The following COL8A1 variants were observed in gnomAD, a reference collection of about 807,000 sequenced individuals.
COL8A1 encodes collagen type VIII alpha 1 chain.
In COL8A1, 21 loss-of-function variants were observed where a neutral mutation model predicts 42.7. The ratio of observed to expected loss-of-function variants is 0.49; its 90% CI spans 0.35 to 0.71. The LOEUF (loss-of-function observed/expected upper bound fraction) is 0.71, where lower values mean the gene tolerates loss of function less well. Ranked by LOEUF, COL8A1 falls within the 30% of genes least tolerant of loss-of-function variation. The pLI, the probability that COL8A1 is intolerant of heterozygous loss-of-function variation, is 0.01. For synonymous variants in COL8A1, 367 were observed against 369.1 expected (o/e 0.99, Z 0.06); for missense variants, 788 against 962.4 (o/e 0.82, Z 2.40).
At chr3:99,742,398 G>T (rs2107403052) in intron 1 of COL8A1, among the ~76,000 whole-genome samples, 1 of 152,288 alleles carries the variant, frequency 6.6e-6, no homozygotes, top group East Asian at 1.9e-4. Flanking sequence ...CATTGCCTGT[G>T]TAGCTAATGG....
chr3:99,747,318 C>A (rs952064709), intron 2 of COL8A1, among the ~76,000 whole-genome samples: 2 of 152,160 alleles, frequency 1.3e-5, no homozygotes, highest in Admixed American at 1.3e-4. Context: ...CATTAAGATA[C>A]CTAATGTGCC....
chr3:99,745,565 A>G (rs1364896028), intron 2 of COL8A1, among the ~76,000 whole-genome samples: 1 of 152,098 alleles, frequency 6.6e-6, no homozygotes, highest in East Asian at 1.9e-4. Context: ...TCTGGCTGAT[A>G]TTTTATAGTT....
chr3:99,681,734 C>T (rs1938888477), intron 1 of COL8A1, among the ~76,000 whole-genome samples: 1 of 152,302 alleles, frequency 6.6e-6, no homozygotes, highest in South Asian at 2.1e-4. Flanking sequence ...ATTTTCACCA[C>T]TTTAAGACTA....
chr3:99,656,150 G>T (rs1358104264), intron 1 of COL8A1, among the ~76,000 whole-genome samples: 1 of 152,102 alleles, frequency 6.6e-6, no homozygotes, highest in Non-Finnish European at 1.5e-5. Context: ...ATCCTTAAAG[G>T]TATAAAATAT....
rs1290897534 is a variant in COL8A1, at chr3:99,755,988, G to A, written c.-4+10967G>A. Among the ~76,000 whole-genome samples the A allele has an allele frequency of 7.2e-5, 11 of 151,966 alleles. 1 individual carries two copies. Among genetic ancestry groups the A allele is most frequent in the Non-Finnish European group, 1.0e-4 (7 of 68,004 alleles). ...GGTTTCTCTGAGGAGATTGGACTCC[G>A]CACATGAATGGAGACAGGGAGGTAA... On this transcript the variant is annotated intron_variant, in intron 2 of 3. Transcript: ENST00000652472.
Position 99,794,999 on chromosome 3 carries a change from T to C in COL8A1, c.1098T>C (p.Gly366=), listed in dbSNP as rs1241778338. The C allele has an allele frequency of 6.2e-7, 1 of 1,603,350 alleles. No individual in the cohort carries two copies. Residue 366 remains glycine (G), a synonymous_variant, in exon 4 of 4, where the codon GGT becomes GGC. Coordinates refer to ENST00000652472, the MANE Select transcript of COL8A1 (RefSeq NM_020351.4). The surrounding 1 kb of genome is among the most constrained non-coding windows in gnomAD (Gnocchi z 4.3). ...CCAAAGGTGACCGGGGCATGGGAGG[T>C]GTTCCTGGGGCTCTTGGACCAAGAG... ...PGPKGDRGMG[G]VPGALGPRGE... is the part of the protein sequence containing the mutation.
chr3:99,689,873 A>C (rs1358356904), intron 1 of COL8A1, among the ~76,000 whole-genome samples: 2 of 152,202 alleles, frequency 1.3e-5, no homozygotes, highest in Non-Finnish European at 2.9e-5. Flanking sequence ...CAGTGAACCA[A>C]ACTGCTCATG....
rs1047151837 is a variant in COL8A1 at position 99,795,936 on chromosome 3, T to A, written c.2035T>A (p.Phe679Ile). ...GGGGGGCAACGTGTGGGTTGCTCTA[T>A]TCAAGAACAACGAGCCCGTGATGTA... is the stretch of plus-strand genomic sequence containing the variant. ...CKGGNVWVAL[F>I]KNNEPVMYTY... The change falls in exon 4 of 4, where the codon TTC becomes ATC. Residue 679 changes from phenylalanine (F) to isoleucine (I), a missense_variant. Phe to Ile is a conservative substitution (Grantham distance 21, BLOSUM62 0). Coordinates refer to ENST00000652472, the MANE Select transcript of COL8A1 (RefSeq NM_020351.4). 2 of 1,614,168 alleles carry A rather than the reference T, an allele frequency of 1.2e-6. No individual in the cohort carries two copies. The highest frequency in any genetic ancestry group is 8.5e-7 in the Non-Finnish European group (1 of 1,180,010).
intron 1 of COL8A1, among the ~76,000 whole-genome samples, chr3:99,655,435 C>G (rs1023680945): frequency 6.6e-6 from 1 of 152,204 alleles, no homozygotes; most frequent in Admixed American, 6.5e-5. Context: ...CATCAAGGTA[C>G]TATACAATGA....
chr3:99,754,011 C>T (rs1193821975), intron 2 of COL8A1, among the ~76,000 whole-genome samples: 1 of 152,172 alleles, frequency 6.6e-6, no homozygotes, highest in Non-Finnish European at 1.5e-5. Context: ...AACATAGTTG[C>T]TGAAACAATT....
chr3:99,707,663 C>T (rs1038606655), intron 1 of COL8A1, among the ~76,000 whole-genome samples: 3 of 152,132 alleles, frequency 2.0e-5, no homozygotes, highest in Admixed American at 6.6e-5. Flanking sequence ...CCCTGCCGAA[C>T]TTGGGGCACT....
intron 1 of COL8A1, among the ~76,000 whole-genome samples, chr3:99,744,491 A>G (rs749567100): frequency 5.1e-4 from 78 of 152,234 alleles, no homozygotes; most frequent in Non-Finnish European, 7.6e-4. Flanking sequence ...ATAATTTATA[A>G]CTCAAATACT....
At chr3:99,725,314 T>G (rs1474888462) in intron 1 of COL8A1, among the ~76,000 whole-genome samples, 1 of 152,048 alleles carries the variant, frequency 6.6e-6, no homozygotes. Flanking sequence ...AAACGTCTGT[T>G]TGAAAACTTT....
intron 2 of COL8A1, among the ~76,000 whole-genome samples, chr3:99,748,112 T>C (rs1396306344): frequency 1.3e-5 from 2 of 152,232 alleles, no homozygotes; most frequent in South Asian, 4.1e-4. Flanking sequence ...ATCCCCATTA[T>C]AAAGAGGAGG....
At chr3:99,786,070 AG>A (rs1941889113) in intron 2 of COL8A1, among the ~76,000 whole-genome samples, 1 of 151,794 alleles carries the variant, frequency 6.6e-6, no homozygotes, top group Non-Finnish European at 1.5e-5. Context: ...CTAACATTGT[AG>A]TAAACAGGAC....
intron 1 of COL8A1, among the ~76,000 whole-genome samples, chr3:99,720,599 A>T (rs1455656480): frequency 1.3e-5 from 2 of 152,166 alleles, no homozygotes; most frequent in Non-Finnish European, 2.9e-5. Flanking sequence ...ATTCACCAAA[A>T]GGCAGCCTTT....
At chr3:99,771,846 C>T (rs1008089405) in intron 2 of COL8A1, among the ~76,000 whole-genome samples, 6 of 152,156 alleles carry the variant, frequency 3.9e-5, no homozygotes, top group African/African-American at 1.4e-4. Context: ...AAGAAGCCAC[C>T]TTCCCTCAAA....
intron 1 of COL8A1, chr3:99,691,300 T>C (rs1939212199): frequency 1.3e-5 from 2 of 152,162 alleles, no homozygotes; most frequent in Non-Finnish European, 2.9e-5. Context: ...TAGCAAGTGA[T>C]ATTGTCATCA....
At chr3:99,719,218 T>G (rs1940083675) in intron 1 of COL8A1, among the ~76,000 whole-genome samples, 1 of 152,104 alleles carries the variant, frequency 6.6e-6, no homozygotes. Flanking sequence ...ACTATTATTA[T>G]TATCATTAAA....
Sources: allele counts gnomAD v4.1 joint callset (sites outside exome capture counted in the v4.1 genomes callset), GRCh38; gene constraint gnomAD v4.1.1; non-coding constraint Gnocchi (gnomAD v3.1); transcripts MANE v1.5; gene names NCBI Gene and HGNC (gene_info 2026-07-23, HGNC 2026-07-21).